Variants in SRFBP1 observed in about 807,000 individuals in gnomAD.
SRFBP1 encodes serum response factor-binding protein 1.
Under a neutral mutation model 45.5 loss-of-function variants are expected in SRFBP1, and 47 were observed. The ratio of observed to expected loss-of-function variants is 1.03; its 90% confidence interval spans 0.82 to 1.32. The LOEUF is 1.32. SRFBP1 is among the 40% of genes most tolerant of loss of function. The probability of loss-of-function intolerance (pLI) is 0.00; values close to 1 mark genes in which losing one functional copy is unlikely to be tolerated. For missense variants in SRFBP1, 621 were observed against 484.6 expected (o/e 1.28, Z -2.64); for synonymous variants, 203 against 166.3 (o/e 1.22, Z -1.70).
In SRFBP1 at chr5:122,018,843, T is replaced by C. The variant is rs971545645; in HGVS notation, c.271-417T>C. Among the ~76,000 whole-genome samples, 4 of 152,322 alleles carry C rather than the reference T, an allele frequency of 2.6e-5. No individual in the cohort carries two copies. The East Asian group carries it at 7.7e-4, about 29-fold the overall frequency. On this transcript the variant is annotated intron_variant, in intron 4 of 7. Coordinates refer to ENST00000339397, the MANE Select transcript of SRFBP1 (RefSeq NM_152546.3). ...TTCTAGGTCTCTGTTAAATGGAACT[T>C]CAAGTATTACAGTAGTCTCACCCAG...
intron 4 of SRFBP1, among the ~76,000 whole-genome samples, chr5:122,013,710 G>A (rs1161539069): frequency 6.6e-6 from 1 of 152,104 alleles, no homozygotes; most frequent in Non-Finnish European, 1.5e-5. Context: ...ACTGTTTTTA[G>A]TTCAGGATTA....
At chr5:122,078,585 T>C (rs942833116), downstream of SRFBP1, among the ~76,000 whole-genome samples, 1 of 151,492 alleles carries the variant, frequency 6.6e-6, no homozygotes, top group African/African-American at 2.4e-5. Context: ...CGCCAAAATA[T>C]GCACGAAGAA....
chr5:122,056,323 A>G (rs1345810376), intron 2 of SRFBP1, among the ~76,000 whole-genome samples: 2 of 152,180 alleles, frequency 1.3e-5, no homozygotes, highest in Admixed American at 1.3e-4. Flanking sequence ...TAAATAAGGA[A>G]GAAGAGAGGA....
intron 4 of SRFBP1, among the ~76,000 whole-genome samples, chr5:121,996,098 G>T (rs1387573558): frequency 2.0e-5 from 3 of 148,914 alleles, no homozygotes; most frequent in Non-Finnish European, 4.5e-5. Context: ...GGAGGAACTG[G>T]TACCATTCCT....
intron 3 of SRFBP1, among the ~76,000 whole-genome samples, chr5:121,978,673 GT>G (rs1752352179): frequency 6.6e-6 from 1 of 152,098 alleles, no homozygotes; most frequent in African/African-American, 2.4e-5. Context: ...TGTATTTTTA[GT>G]AGAGACAAGG....
intron 1 of SRFBP1, among the ~76,000 whole-genome samples, chr5:121,964,523 TC>T (rs1752020944): frequency 6.6e-6 from 1 of 152,202 alleles, no homozygotes; most frequent in African/African-American, 2.4e-5. Flanking sequence ...GGACATGAAC[TC>T]ATCATTTTTT....
At chr5:121,975,886 T>A (rs898917071) in intron 3 of SRFBP1, among the ~76,000 whole-genome samples, 107 of 152,070 alleles carry the variant, frequency 7.0e-4, no homozygotes, top group African/African-American at 2.5e-3. Context: ...TTTTGTTTTT[T>A]TTTTCAGTCA....
chr5:122,037,566 T>A (rs1753713264), intron 2 of SRFBP1, among the ~76,000 whole-genome samples: 1 of 152,202 alleles, frequency 6.6e-6, no homozygotes, highest in African/African-American at 2.4e-5. Flanking sequence ...AGCAGTGGCG[T>A]AATCATAGCT....
At chr5:122,014,314 C>T (rs1298418984) in intron 4 of SRFBP1, among the ~76,000 whole-genome samples, 1 of 152,042 alleles carries the variant, frequency 6.6e-6, no homozygotes, top group Admixed American at 6.6e-5. Context: ...TTCTACATAA[C>T]TACTCATTTT....
intron 3 of SRFBP1, among the ~76,000 whole-genome samples, chr5:121,983,912 A>C (rs931227845): frequency 6.6e-6 from 1 of 151,784 alleles, no homozygotes; most frequent in Non-Finnish European, 1.5e-5. Flanking sequence ...ATTGTCTGCC[A>C]GATGGGATCT....
At chr5:122,049,858 T>G (rs1315954045) in intron 2 of SRFBP1, among the ~76,000 whole-genome samples, 4 of 152,192 alleles carry the variant, frequency 2.6e-5, no homozygotes, top group Non-Finnish European at 4.4e-5. Flanking sequence ...CCAGAATCTC[T>G]GGGACACATT....
Position 122,022,357 on chromosome 5 carries a change from TTTC to T in SRFBP1, c.1068-7_1068-5del. The stretch of plus-strand genomic sequence containing the variant: ...ATCTTTAAAAAGTCATAATGGTGTT[TTTC>T]TTCTTTTAGAAATTTCAAAGAACAG... On this transcript the variant is annotated splice_polypyrimidine_tract_variant and intron_variant, in intron 6 of 7. Transcript: ENST00000339397. 1.9e-6 allele frequency: 3 copies of T among 1,606,470 alleles called. No individual in the cohort carries two copies. Among genetic ancestry groups the T allele is most frequent in the Non-Finnish European group, 2.6e-6 (3 of 1,175,740 alleles).
chr5:122,042,967 A>G (rs187231657), intron 2 of SRFBP1, among the ~76,000 whole-genome samples: 3 of 152,220 alleles, frequency 2.0e-5, no homozygotes, highest in African/African-American at 4.8e-5. Context: ...AAATATTTTA[A>G]TTACTATAGA....
At chr5:121,998,253 T>A (rs2112680141) in intron 4 of SRFBP1, among the ~76,000 whole-genome samples, 1 of 151,982 alleles carries the variant, frequency 6.6e-6, no homozygotes, top group Admixed American at 6.6e-5. Flanking sequence ...TAGCAAAGAC[T>A]TGGAACCAAC....
At chr5:121,993,022 C>G (rs1050285073) in intron 3 of SRFBP1, among the ~76,000 whole-genome samples, 1 of 152,118 alleles carries the variant, frequency 6.6e-6, no homozygotes, top group African/African-American at 2.4e-5. Flanking sequence ...AACTTGTTAG[C>G]TTGCAAATCT....
At chr5:122,057,459 C>CTGTGTGTGTGTG (rs3028227) in intron 2 of SRFBP1, among the ~76,000 whole-genome samples, 1 of 146,422 alleles carries the variant, frequency 6.8e-6, no homozygotes, top group African/African-American at 2.5e-5. Context: ...GTTCTCAGTT[C>CTGTGTGTGTGTG]TGTGTGTGTG....
rs1251848488 is a variant in SRFBP1, at chr5:121,962,030, A to G, written c.-3A>G. The G allele has an allele frequency of 2.5e-6, 4 of 1,613,818 alleles. No individual in the cohort carries two copies. Among genetic ancestry groups the G allele is most frequent in the East Asian group, 4.5e-5 (2 of 44,856 alleles). ...AGCGGCGGATCATATTCCTTCATCT[A>G]CCATGGCTCAGCCGGGAACTCTGAA... On this transcript the variant is annotated 5_prime_UTR_variant, in exon 1 of 8. Coordinates refer to ENST00000339397, the MANE Select transcript of SRFBP1 (RefSeq NM_152546.3).
At chr5:122,031,374 G>A (rs1416768893), downstream of SRFBP1, among the ~76,000 whole-genome samples, 2 of 152,066 alleles carry the variant, frequency 1.3e-5, no homozygotes, top group Non-Finnish European at 2.9e-5. Context: ...AAGCAAGAAT[G>A]GTCCATGCAC....
chr5:122,048,851 C>G (rs1216645552), intron 2 of SRFBP1, among the ~76,000 whole-genome samples: 3 of 152,138 alleles, frequency 2.0e-5, no homozygotes, highest in African/African-American at 7.2e-5. Context: ...TTATAGTATT[C>G]TCTGATGGTA....
Sources: allele counts gnomAD v4.1 joint callset (sites outside exome capture counted in the v4.1 genomes callset), GRCh38; gene constraint gnomAD v4.1.1; transcripts MANE v1.5; gene names NCBI Gene and HGNC (gene_info 2026-07-23, HGNC 2026-07-21).